Variants in TMEM87A observed in about 807,000 individuals in gnomAD.
TMEM87A encodes Golgi-pH regulating cation channel.
TMEM87A carries 50 observed loss-of-function variants against 90.0 expected under a neutral mutation model. The ratio of observed to expected loss-of-function variants is 0.56; its 90% CI spans 0.44 to 0.70. The LOEUF (loss-of-function observed/expected upper bound fraction) is 0.70, where lower values mean the gene tolerates loss of function less well. Ranked by LOEUF, TMEM87A falls within the 30% of genes least tolerant of loss-of-function variation. The pLI is 0.00. For synonymous variants in TMEM87A, 226 were observed against 226.7 expected (o/e 1.00, Z 0.03); for missense variants, 577 against 660.5 (o/e 0.87, Z 1.39).
intron 15 of TMEM87A, among the ~76,000 whole-genome samples, chr15:42,226,010 A>G (rs938615723): frequency 2.0e-5 from 3 of 148,152 alleles, no homozygotes; most frequent in African/African-American, 7.4e-5. Flanking sequence ...GTGTGTCAGC[A>G]TTTTTTTTTT....
In TMEM87A at chr15:42,217,821, G is replaced by C. The variant is rs925899817; in HGVS notation, c.1608C>G (p.Ala536=). The C allele has an allele frequency of 5.6e-6, 9 of 1,612,548 alleles. No individual in the cohort carries two copies. The African/African-American group carries it at 1.2e-4, about 22-fold the overall frequency. ...TACCAACCTCATCTGAATCCAGAAG[G>C]GCTGGAAGTGCTCTGCAAAGAGAGA... ...PSSVTDVALP[A]LLDSDEERMI... The change falls in exon 19 of 20, where the codon GCC becomes GCG. Residue 536 remains alanine (A), a synonymous_variant. Transcript: ENST00000389834.
At chr15:42,225,950 T>C (rs2050583842) in intron 15 of TMEM87A, among the ~76,000 whole-genome samples, 1 of 152,196 alleles carries the variant, frequency 6.6e-6, no homozygotes, top group South Asian at 2.1e-4. Context: ...AGCAACCCTA[T>C]GTCAAGGAAG....
intron 15 of TMEM87A, among the ~76,000 whole-genome samples, chr15:42,221,271 CAGAGAGAGAG>C (rs1208211599): frequency 4.5e-5 from 5 of 111,894 alleles, no homozygotes; most frequent in East Asian, 5.4e-4. Context: ...GAGACAGAGA[CAGAGAGAGAG>C]AGAGAGAGAG....
At chr15:42,215,181 T>C (rs1460590041) in intron 19 of TMEM87A, among the ~76,000 whole-genome samples, 1 of 152,182 alleles carries the variant, frequency 6.6e-6, no homozygotes. Context: ...TCTAAAGTTA[T>C]CTAAACATTG....
At position 42,236,423 on chromosome 15, in the gene TMEM87A, TG is replaced by T. The variant is rs1566929586; in HGVS notation, c.869-5del. 1 of 1,613,680 alleles carries T rather than the reference TG, an allele frequency of 6.2e-7. No homozygotes were observed. Among genetic ancestry groups the T allele is most frequent in the Non-Finnish European group, 8.5e-7 (1 of 1,179,640 alleles). On this transcript the variant is annotated splice_polypyrimidine_tract_variant and splice_region_variant and intron_variant, in intron 9 of 19. Coordinates refer to ENST00000389834, the MANE Select transcript of TMEM87A (RefSeq NM_015497.5). ...GCAAGGATCAAAGCACCCTGGACTA[TG>T]AAAAAGAAGGGAAGAAATGGCACCA... is the stretch of plus-strand genomic sequence containing the variant.
At chr15:42,227,596 G>T in intron 14 of TMEM87A, 115 bp downstream of exon 14, 1 of 839,388 alleles carries the variant, frequency 1.2e-6, no homozygotes. Flanking sequence ...TCAGAGTAGA[G>T]ACCTAGCTCT....
At chr15:42,261,637 CTT>C (rs3035840) in intron 4 of TMEM87A, among the ~76,000 whole-genome samples, 1 of 143,750 alleles carries the variant, frequency 7.0e-6, no homozygotes, top group Non-Finnish European at 1.5e-5. Context: ...ACCTAATATT[CTT>C]TTTTTTTTTT....
chr15:42,267,159 T>A (rs183121732), intron 3 of TMEM87A, among the ~76,000 whole-genome samples: 1 of 152,330 alleles, frequency 6.6e-6, no homozygotes, highest in Admixed American at 6.5e-5. Flanking sequence ...AACAATGTAA[T>A]TTTTAGCTAA....
At chr15:42,270,991 C>T (rs539812264) in intron 2 of TMEM87A, among the ~76,000 whole-genome samples, 1 of 152,302 alleles carries the variant, frequency 6.6e-6, no homozygotes, top group African/African-American at 2.4e-5. Context: ...CCAACTATGA[C>T]TTAAAATTTT....
intron 3 of TMEM87A, among the ~76,000 whole-genome samples, chr15:42,264,699 A>ATATATATATATATATATTTTTT (rs10681614): frequency 9.1e-6 from 1 of 109,424 alleles, no homozygotes; most frequent in African/African-American, 3.1e-5. Context: ...ATATATATAT[A>ATATATATATATATATATTTTTT]TTTTTTTTTT....
At chr15:42,222,099 T>C (rs1428923923) in intron 15 of TMEM87A, among the ~76,000 whole-genome samples, 2 of 152,104 alleles carry the variant, frequency 1.3e-5, no homozygotes, top group Non-Finnish European at 2.9e-5. Context: ...TTTCACTCGT[T>C]GTCCAGACTG....
intron 10 of TMEM87A, among the ~76,000 whole-genome samples, 168 bp from the exon 11 acceptor site, chr15:42,233,474 A>G (rs1468076941): frequency 2.0e-5 from 3 of 152,216 alleles, no homozygotes; most frequent in Non-Finnish European, 2.9e-5. Flanking sequence ...TCTTAAAACA[A>G]GATAGGGAAC....
At chr15:42,257,228 CATGGGAGCCA>C (rs1566938416) in intron 6 of TMEM87A, among the ~76,000 whole-genome samples, 1 of 152,102 alleles carries the variant, frequency 6.6e-6, no homozygotes, top group Non-Finnish European at 1.5e-5. Flanking sequence ...GTGTTTGGGT[CATGGGAGCCA>C]ATCCCTAATG....
intron 6 of TMEM87A, among the ~76,000 whole-genome samples, chr15:42,259,311 C>T (rs1031312443): frequency 5.3e-5 from 8 of 152,160 alleles, no homozygotes; most frequent in South Asian, 4.1e-4. Flanking sequence ...TTGGTAGAGA[C>T]GGGGTTTCAC....
At chr15:42,226,531 C>A in intron 15 of TMEM87A, 1 of 381,446 alleles carries the variant, frequency 2.6e-6, no homozygotes, top group Non-Finnish European at 4.8e-6. Context: ...GTGTATTTAT[C>A]ACAAAATGTC....
rs746822805 is a variant in TMEM87A at position 42,260,967 on chromosome 15, T to G, written c.495A>C (p.Gly165=). 1 of 1,608,552 alleles carries G rather than the reference T, an allele frequency of 6.2e-7. No individual in the cohort carries two copies. Among genetic ancestry groups the G allele is most frequent in the Non-Finnish European group, 8.5e-7 (1 of 1,177,704 alleles). Residue 165 remains glycine, a synonymous_variant, in exon 6 of 20, where the codon GGA becomes GGC. Coordinates refer to ENST00000389834, the MANE Select transcript of TMEM87A (RefSeq NM_015497.5). ...CCCCAAATATACTTACGGTTTTGTC[T>G]CCAATAAAGGTAAGGTTTGTTCCAT... is the stretch of plus-strand genomic sequence containing the variant. ...KENGTNLTFI[G]DKTAMHEPLQ...
chr15:42,255,890 C>T (rs2051170792), intron 6 of TMEM87A, among the ~76,000 whole-genome samples: 1 of 151,876 alleles, frequency 6.6e-6, no homozygotes, highest in South Asian at 2.1e-4. Flanking sequence ...CCACCTCAGC[C>T]TCCCAAGTAG....
chr15:42,268,135 A>G (rs2051442605), intron 2 of TMEM87A, 103 bp from the exon 3 acceptor site: 7 of 793,618 alleles, frequency 8.8e-6, no homozygotes, highest in East Asian at 7.9e-5. Flanking sequence ...CTAAACTGAG[A>G]TACTCAAAGA....
rs2050450251 is a variant in TMEM87A at position 42,220,151 on chromosome 15, T to C, written c.1404-16A>G. On this transcript the variant is annotated splice_polypyrimidine_tract_variant and intron_variant, in intron 15 of 19. Coordinates refer to ENST00000389834, the MANE Select transcript of TMEM87A (RefSeq NM_015497.5). ...AAAGGCAAACCTAACAGAACCAAAGTGAACAGAAGGAAAAAATTAGAAAAC... is the reference window on the plus strand; with the variant it reads ...AAAGGCAAACCTAACAGAACCAAAGCGAACAGAAGGAAAAAATTAGAAAAC... 1 of 1,576,412 alleles carries C rather than the reference T, an allele frequency of 6.3e-7. No homozygotes were observed.
Sources: gnomAD v4.1 joint callset for allele counts (sites outside exome capture counted in the v4.1 genomes callset) on GRCh38, gnomAD v4.1.1 for gene constraint, MANE v1.5 for transcripts, NCBI Gene and HGNC (gene_info 2026-07-23, HGNC 2026-07-21) for gene names.